PHACTR1: variants seen among roughly 807,000 people sequenced by gnomAD.
The protein encoded by PHACTR1 is RPEL repeat containing 1.
In PHACTR1, 16 loss-of-function variants were observed where a neutral mutation model predicts 69.2. The observed-to-expected ratio is 0.23, with a 90% CI of 0.16 to 0.35. The LOEUF (loss-of-function observed/expected upper bound fraction) is 0.35. Among genes scored for constraint, PHACTR1 ranks in the 10% least tolerant of loss-of-function variants. The pLI is 1.00. For missense variants in PHACTR1, 510 were observed against 734.7 expected (o/e 0.69, Z 3.54); for synonymous variants, 312 against 284.5 (o/e 1.10, Z -0.97).
intron 5 of PHACTR1, among the ~76,000 whole-genome samples, chr6:13,059,495 A>ACACACAC (rs1561767930): frequency 2.9e-4 from 42 of 144,548 alleles, no homozygotes; most frequent in African/African-American, 1.1e-3. Flanking sequence ...CACACACACA[A>ACACACAC]AACCCACAGA....
At chr6:13,162,380 G>A (rs186825922) in intron 6 of PHACTR1, among the ~76,000 whole-genome samples, 15 of 151,974 alleles carry the variant, frequency 9.9e-5, no homozygotes, top group African/African-American at 2.9e-4. Context: ...ACCCGTCTCC[G>A]CCTCCCAAAG....
chr6:12,957,604 C>T, intron 4 of PHACTR1: 1 of 985,630 alleles, frequency 1.0e-6, no homozygotes, highest in South Asian at 4.7e-5. Flanking sequence ...GTCTGAGTAC[C>T]CGCAGGTCAC....
At chr6:13,065,930 T>C (rs1175252802) in intron 5 of PHACTR1, among the ~76,000 whole-genome samples, 8 of 151,706 alleles carry the variant, frequency 5.3e-5, no homozygotes, top group Non-Finnish European at 1.0e-4. Flanking sequence ...GGGTGAATGA[T>C]TGGAGCATTT....
At chr6:12,937,548 T>G (rs1358490670) in intron 4 of PHACTR1, among the ~76,000 whole-genome samples, 1 of 151,954 alleles carries the variant, frequency 6.6e-6, no homozygotes, top group Non-Finnish European at 1.5e-5. Flanking sequence ...GGGAGGGATA[T>G]AGAGAGTAAA....
chr6:13,142,584 G>A (rs1055323488), intron 5 of PHACTR1, among the ~76,000 whole-genome samples: 6 of 152,120 alleles, frequency 3.9e-5, no homozygotes, highest in Non-Finnish European at 7.4e-5. Flanking sequence ...TTAATATAAT[G>A]TAAGGTAGGG....
intron 4 of PHACTR1, among the ~76,000 whole-genome samples, chr6:12,833,225 C>T (rs1451408557): frequency 1.3e-5 from 2 of 151,854 alleles, no homozygotes; most frequent in African/African-American, 2.4e-5. Context: ...CTTTGATATA[C>T]TAGATAATCT....
At chr6:13,236,643 A>G (rs1772034986) in intron 10 of PHACTR1, among the ~76,000 whole-genome samples, 1 of 151,992 alleles carries the variant, frequency 6.6e-6, no homozygotes, top group Non-Finnish European at 1.5e-5. Context: ...TCCCCTTTCT[A>G]TAAGGACACC....
chr6:12,854,925 C>T (rs1266977730), intron 4 of PHACTR1, among the ~76,000 whole-genome samples: 3 of 152,130 alleles, frequency 2.0e-5, no homozygotes, highest in Non-Finnish European at 4.4e-5. Flanking sequence ...AGGGAATATA[C>T]GTTGTTGGTG....
chr6:13,287,281 G>C lies in PHACTR1; in HGVS notation c.*203G>C, dbSNP rs977221375. ...GATGGCTCGGCGGTCCGAGCTGCTG[G>C]TCCCACTTCTGACACCAAAATGCAT... On this transcript the variant is annotated 3_prime_UTR_variant, in exon 15 of 15. Coordinates refer to ENST00000332995, the MANE Select transcript of PHACTR1 (RefSeq NM_030948.6). The C allele has an allele frequency of 3.6e-5, 22 of 604,954 alleles. No individual in the cohort carries two copies. Among genetic ancestry groups the C allele is most frequent in the Non-Finnish European group, 5.9e-5 (21 of 353,058 alleles). 37.5% of individuals were successfully genotyped at this position (604,954 alleles called of 1,614,324 possible).
chr6:12,812,969 C>T (rs144587469), intron 4 of PHACTR1, among the ~76,000 whole-genome samples: 4 of 152,214 alleles, frequency 2.6e-5, no homozygotes, highest in African/African-American at 4.8e-5. Flanking sequence ...TGAGCATGAC[C>T]GAGGCAGCAA....
At chr6:12,985,536 A>G (rs923956027) in intron 4 of PHACTR1, among the ~76,000 whole-genome samples, 16 of 137,390 alleles carry the variant, frequency 1.2e-4, no homozygotes, top group African/African-American at 4.6e-4. Context: ...ATTAAAAAAA[A>G]AAAAAATATA....
At chr6:13,181,996 G>T (rs921704702) in intron 6 of PHACTR1, among the ~76,000 whole-genome samples, 1 of 152,186 alleles carries the variant, frequency 6.6e-6, no homozygotes, top group Non-Finnish European at 1.5e-5. Context: ...CACTTTGGGA[G>T]GCCCAGGTGG....
intron 7 of PHACTR1, among the ~76,000 whole-genome samples, chr6:13,205,179 G>T (rs1765724728): frequency 6.6e-6 from 1 of 152,136 alleles, no homozygotes; most frequent in Non-Finnish European, 1.5e-5. Context: ...GAGAGCACAT[G>T]GCAAGAGAGG....
chr6:12,745,167 A>C (rs1409244695), intron 3 of PHACTR1, among the ~76,000 whole-genome samples: 1 of 152,158 alleles, frequency 6.6e-6, no homozygotes, highest in Non-Finnish European at 1.5e-5. Context: ...TGGGGATGGA[A>C]TATCACATCC....
At chr6:12,897,698 TTTATTATTA>T (rs10526737) in intron 4 of PHACTR1, among the ~76,000 whole-genome samples, 81,579 of 148,732 alleles carry the variant, frequency 0.55, 24,212 homozygotes, top group East Asian at 0.91. Context: ...TTTGTAATCT[TTTATTATTA>T]TTATTATTAT....
chr6:12,963,833 G>A (rs573922563), intron 4 of PHACTR1, among the ~76,000 whole-genome samples: 1 of 152,328 alleles, frequency 6.6e-6, no homozygotes, highest in African/African-American at 2.4e-5. Flanking sequence ...GCTGTTGAAA[G>A]ACCCTGTGAT....
chr6:12,935,562 A>C lies in PHACTR1; in HGVS notation c.251-117803A>C, dbSNP rs138689362. ...CCTGGCCTACACTGATGTTATAACA[A>C]AGAAGTTCAGACAAAGAAAATAGCA... On this transcript the variant is annotated intron_variant, in intron 4 of 14. Transcript: ENST00000332995. 2.6e-5 allele frequency among the ~76,000 whole-genome samples: 4 copies of C among 152,252 alleles called. No homozygotes were observed. The East Asian group carries it at 7.7e-4, about 29-fold the overall frequency.
At chr6:13,234,852 A>C (rs149673637) in intron 10 of PHACTR1, among the ~76,000 whole-genome samples, 1 of 152,210 alleles carries the variant, frequency 6.6e-6, no homozygotes, top group African/African-American at 2.4e-5. Context: ...CTCCTCCTCC[A>C]TATGTATACA....
At chr6:13,167,904 G>C (rs948493429) in intron 6 of PHACTR1, among the ~76,000 whole-genome samples, 1 of 152,152 alleles carries the variant, frequency 6.6e-6, no homozygotes, top group Non-Finnish European at 1.5e-5. Flanking sequence ...TAAATTAAAA[G>C]GTCATCGTAT....
Sources: allele counts gnomAD v4.1 joint callset (sites outside exome capture counted in the v4.1 genomes callset), GRCh38; gene constraint gnomAD v4.1.1; transcripts MANE v1.5; gene names NCBI Gene and HGNC (gene_info 2026-07-23, HGNC 2026-07-21).